The following NAPA variants were observed in gnomAD, a reference collection of about 807,000 sequenced individuals.
The protein encoded by NAPA is alpha-soluble NSF attachment protein.
NAPA carries 18 observed loss-of-function variants against 48.0 expected under a neutral mutation model. That is an observed-to-expected ratio of 0.38 (90% CI 0.26 to 0.56). NAPA has a LOEUF of 0.56. NAPA is among the 20% of genes least tolerant of loss of function. The pLI is 0.77. For missense variants in NAPA, 315 were observed against 385.0 expected (o/e 0.82, Z 1.52); for synonymous variants, 152 against 149.9 (o/e 1.01, Z -0.10).
chr19:47,486,107 G>A (rs1968068774), downstream of NAPA, among the ~76,000 whole-genome samples: 1 of 152,182 alleles, frequency 6.6e-6, no homozygotes, highest in African/African-American at 2.4e-5. Context: ...TGTAATTCCA[G>A]AACTTTGGAA....
chr19:47,491,679 G>T (rs965567495), intron 8 of NAPA, among the ~76,000 whole-genome samples: 1 of 152,196 alleles, frequency 6.6e-6, no homozygotes, highest in Non-Finnish European at 1.5e-5. Context: ...TCAAACAAGG[G>T]ACTCTCGTCC....
At chr19:47,495,622 G>C in intron 3 of NAPA, 26 bp from the exon 4 acceptor site, 2 of 1,612,786 alleles carry the variant, frequency 1.2e-6, no homozygotes, top group Non-Finnish European at 1.7e-6. Flanking sequence ...GGTGGGAGGA[G>C]ACATGAGAAA....
At chr19:47,485,920 G>T (rs141027385), downstream of NAPA, among the ~76,000 whole-genome samples, 1 of 152,184 alleles carries the variant, frequency 6.6e-6, no homozygotes. Flanking sequence ...TCCTTCAGGC[G>T]TCTTCCCGCC....
Position 47,493,569 on chromosome 19 carries a change from A to G in NAPA, c.343-76T>C. ...CCTGCCTGCTGACCTATGACCCTTC[A>G]AGTTCCCACCCCTCAGCCACGCCTG... On this transcript the variant is annotated intron_variant, in intron 4 of 10. Transcript: ENST00000263354. This position sits in a 1 kb window ranked among gnomAD's most constrained non-coding sequence, Gnocchi z 6.4. The G allele has an allele frequency of 7.7e-7, 1 of 1,296,592 alleles. No individual in the cohort carries two copies. Among genetic ancestry groups the G allele is most frequent in the Non-Finnish European group, 1.1e-6 (1 of 897,730 alleles). 80.3% of individuals were successfully genotyped at this position (1,296,592 alleles called of 1,614,324 possible). A position where few individuals can be genotyped will look rare whatever the true frequency, so the allele number is the denominator to read the frequency against.
chr19:47,489,388 C>T, intron 10 of NAPA: 2 of 375,740 alleles, frequency 5.3e-6, no homozygotes, highest in Non-Finnish European at 9.9e-6. Flanking sequence ...GAGTCTCACA[C>T]ACTCACCTGG....
intron 7 of NAPA, 99 bp from the exon 8 acceptor site, chr19:47,492,218 T>C: frequency 9.6e-7 from 1 of 1,041,906 alleles, no homozygotes; most frequent in Non-Finnish European, 1.4e-6. Flanking sequence ...AGCTGGTTCA[T>C]GTCCCGAGGT....
intron 1 of NAPA, among the ~76,000 whole-genome samples, chr19:47,504,515 T>C (rs1433011223): frequency 2.6e-5 from 4 of 151,980 alleles, no homozygotes. Context: ...AGCATTTTTC[T>C]CTTAAGGTGA....
Position 47,506,316 on chromosome 19 carries a change from AC to A in NAPA, c.99-2815del, listed in dbSNP as rs1028698743. On this transcript the variant is annotated intron_variant, in intron 1 of 10. Coordinates refer to ENST00000263354, the MANE Select transcript of NAPA (RefSeq NM_003827.4). The surrounding 1 kb of genome is among the most constrained non-coding windows in gnomAD (Gnocchi z 4.0). ...CCCAGCCTGGAATGACTTCTTTAGA[AC>A]CCATTCCTGGCCTTGGAGAGGTAAG... Among the ~76,000 whole-genome samples the A allele has an allele frequency of 2.0e-5, 3 of 152,016 alleles. No individual in the cohort carries two copies. The highest frequency in any genetic ancestry group is 4.4e-5 in the Non-Finnish European group (3 of 67,982).
chr19:47,491,971 ATGG>A, intron 8 of NAPA, 41 bp downstream of exon 8: 1 of 1,557,808 alleles, frequency 6.4e-7, no homozygotes, highest in South Asian at 1.1e-5. Flanking sequence ...AGATAAGCAC[ATGG>A]TGGCCTGGTG....
rs376541510 is a variant in NAPA, at chr19:47,500,609, C to T, written c.295+24G>A. On this transcript the variant is annotated intron_variant, in intron 3 of 10. Coordinates refer to ENST00000263354, the MANE Select transcript of NAPA (RefSeq NM_003827.4). ...AGGATGGCGCTCCGGACAGCCAGCC[C>T]GTGTGGCCCGCAGAGGCCCTCACCT... The T allele has an allele frequency of 3.9e-5, 61 of 1,573,752 alleles. No individual in the cohort carries two copies. The African/African-American group carries it at 5.2e-4, about 13-fold the overall frequency.
At chr19:47,500,231 T>A (rs1437851678) in intron 3 of NAPA, among the ~76,000 whole-genome samples, 2 of 152,212 alleles carry the variant, frequency 1.3e-5, no homozygotes, top group African/African-American at 4.8e-5. Flanking sequence ...CAGCAACTCC[T>A]ACCTGGCTGG....
intron 2 of NAPA, 88 bp downstream of exon 2, chr19:47,503,335 C>G (rs769981347): frequency 1.9e-5 from 24 of 1,273,296 alleles, no homozygotes; most frequent in Non-Finnish European, 2.8e-5. Context: ...AAAGGGCCCT[C>G]AAGGCCAACC....
In NAPA at chr19:47,493,133, G is replaced by A. The variant is rs1427453703; in HGVS notation, c.462C>T (p.Gly154=). 7.4e-6 allele frequency: 12 copies of A among 1,612,058 alleles called. No homozygotes were observed. Among genetic ancestry groups the A allele is most frequent in the Admixed American group, 1.7e-5 (1 of 59,924 alleles). Residue 154 remains glycine, a synonymous_variant, in exon 6 of 11, where the codon GGC becomes GGT. Transcript: ENST00000263354. This position sits in a 1 kb window ranked among gnomAD's most constrained non-coding sequence, Gnocchi z 6.4. The part of the protein sequence containing the change: ...HYEQSADYYK[G]EESNSSANKC... ...AAGGGGGCTACCTGTTGGACTCCTC[G>A]CCTTTGTAGTAGTCTGCAGACTGCT...
intron 10 of NAPA, chr19:47,488,890 C>T (rs1968162979): frequency 6.7e-6 from 1 of 150,344 alleles, no homozygotes; most frequent in South Asian, 2.1e-4. Context: ...GCACTCCAGC[C>T]TGGGCGACAG....
In NAPA at chr19:47,495,680, C is replaced by T. The variant is rs1055947827; in HGVS notation, c.296-84G>A. ...TGAGGAGAGGAGGCGGACGCAGGCG[C>T]ACCTGGCTGCCAGCAGAGAGATCAA... On this transcript the variant is annotated intron_variant, in intron 3 of 10. Transcript: ENST00000263354. The T allele has an allele frequency of 1.0e-4, 136 of 1,321,940 alleles. 1 individual carries two copies. In the Admixed American group the frequency reaches 2.3e-3, roughly 22 times the overall value. 81.9% of individuals were successfully genotyped at this position (1,321,940 alleles called of 1,614,324 possible). A position where few individuals can be genotyped will look rare whatever the true frequency, so the allele number is the denominator to read the frequency against.
chr19:47,493,458 G>T lies in NAPA; in HGVS notation c.378C>A (p.Ser126=). The T allele has an allele frequency of 6.2e-7, 1 of 1,614,104 alleles. No homozygotes were observed. Among genetic ancestry groups the T allele is most frequent in the Non-Finnish European group, 8.5e-7 (1 of 1,179,998 alleles). Residue 126 remains serine, a synonymous_variant, in exon 5 of 11, where the codon TCC becomes TCA. Coordinates refer to ENST00000263354, the MANE Select transcript of NAPA (RefSeq NM_003827.4). This position sits in a 1 kb window ranked among gnomAD's most constrained non-coding sequence, Gnocchi z 6.4. ...RFTIAAKHHI[S]IAEIYETELV... ...ACTCTGTCTCATAGATCTCAGCAAT[G>T]GAGATGTGGTGCTTGGCCGCAATCG...
intron 3 of NAPA, chr19:47,496,754 A>G (rs1968434528): frequency 2.4e-6 from 1 of 413,092 alleles, no homozygotes; most frequent in Admixed American, 2.7e-5. Context: ...GTGGGGAGGC[A>G]TCTGGACAGA....
At chr19:47,484,532 C>T, downstream of NAPA, 2 of 273,478 alleles carry the variant, frequency 7.3e-6, no homozygotes, top group South Asian at 1.3e-4. Flanking sequence ...ACTGTAAGTG[C>T]ATTCCATCTA....
chr19:47,498,285 A>G (rs1359521783), intron 3 of NAPA, among the ~76,000 whole-genome samples: 1 of 152,164 alleles, frequency 6.6e-6, no homozygotes, highest in Non-Finnish European at 1.5e-5. Flanking sequence ...CAAGGTTCCA[A>G]ATCGGGCCTC....
Sources: gnomAD v4.1 joint callset for allele counts (sites outside exome capture counted in the v4.1 genomes callset) on GRCh38, gnomAD v4.1.1 for gene constraint, Gnocchi (gnomAD v3.1) non-coding constraint, MANE v1.5 for transcripts, NCBI Gene and HGNC (gene_info 2026-07-23, HGNC 2026-07-21) for gene names.